AKAP7: variants seen among roughly 807,000 people sequenced by gnomAD.
The protein encoded by AKAP7 is A kinase (PRKA) anchor protein 7.
A neutral mutation model predicts 39.5 loss-of-function variants in AKAP7; 39 were observed. That is an observed-to-expected ratio of 0.99 (90% confidence interval 0.76 to 1.29). The LOEUF (loss-of-function observed/expected upper bound fraction) is 1.29, where lower values mean the gene tolerates loss of function less well. Among genes scored for constraint, AKAP7 ranks in the 50% most tolerant of loss-of-function variants. The pLI is 0.00. For missense variants in AKAP7, 414 were observed against 407.7 expected (o/e 1.02, Z -0.13); for synonymous variants, 140 against 139.1 (o/e 1.01, Z -0.05).
chr6:131,230,818 C>T (rs1020301754), intron 7 of AKAP7, among the ~76,000 whole-genome samples: 2 of 152,166 alleles, frequency 1.3e-5, no homozygotes, highest in African/African-American at 2.4e-5. Flanking sequence ...TAAGATTCTA[C>T]ATTGCAACTA....
At position 131,282,558 on chromosome 6, in the gene AKAP7, A is replaced by G; in HGVS notation, c.*832A>G. ...CTTTTTGAAGGAAGACTTATTAACA[A>G]CAGTAATTCAGCAAATGACGTTGAT... On this transcript the variant is annotated 3_prime_UTR_variant, in exon 8 of 8. Coordinates refer to ENST00000431975, the MANE Select transcript of AKAP7 (RefSeq NM_016377.4). 2 of 1,535,888 alleles carry G rather than the reference A, an allele frequency of 1.3e-6. No individual in the cohort carries two copies. The highest frequency in any genetic ancestry group is 1.7e-6 in the Non-Finnish European group (2 of 1,146,784).
At chr6:131,201,246 T>C (rs181360515) in intron 6 of AKAP7, among the ~76,000 whole-genome samples, 1 of 152,238 alleles carries the variant, frequency 6.6e-6, no homozygotes, top group Non-Finnish European at 1.5e-5. Context: ...TTTCTACGTG[T>C]AAGGAGCTCC....
chr6:131,159,933 C>T, intron 2 of AKAP7, 126 bp from the exon 3 acceptor site: 1 of 914,924 alleles, frequency 1.1e-6, no homozygotes, highest in African/African-American at 1.7e-5. Context: ...TGTTTGCAAA[C>T]TCCTGCTTTA....
chr6:131,263,176 C>G (rs1424713302), intron 7 of AKAP7, among the ~76,000 whole-genome samples: 7 of 152,208 alleles, frequency 4.6e-5, no homozygotes, highest in Non-Finnish European at 1.5e-5. Flanking sequence ...AATGTAATGG[C>G]TCACCTATGC....
chr6:131,232,552 C>G (rs749375), intron 7 of AKAP7, among the ~76,000 whole-genome samples: 42,158 of 151,924 alleles, frequency 0.28, 6,425 homozygotes, highest in Middle Eastern at 0.39. Context: ...TACTGGCCGG[C>G]CGGTGGCTCA....
intron 7 of AKAP7, among the ~76,000 whole-genome samples, chr6:131,242,650 T>C (rs1811716129): frequency 6.6e-6 from 1 of 152,084 alleles, no homozygotes; most frequent in Non-Finnish European, 1.5e-5. Flanking sequence ...ATTTTCTTCG[T>C]TTTCACTGTG....
At chr6:131,190,032 T>C (rs1207133377) in intron 5 of AKAP7, among the ~76,000 whole-genome samples, 3 of 152,326 alleles carry the variant, frequency 2.0e-5, no homozygotes, top group Admixed American at 6.5e-5. Flanking sequence ...AGGTTTCATA[T>C]TAGTAAAAAC....
In AKAP7 at chr6:131,227,495, G is replaced by A. The variant is rs145033779; in HGVS notation, c.850+7687G>A. ...GAATGATGTTGTGCTTGCTTCAGCG[G>A]TACATACACTAAAACAAGGATGATG... On this transcript the variant is annotated intron_variant, in intron 7 of 7. Coordinates refer to ENST00000431975, the MANE Select transcript of AKAP7 (RefSeq NM_016377.4). Among the ~76,000 whole-genome samples, 312 of 152,302 alleles carry A rather than the reference G, an allele frequency of 2.0e-3. 3 individuals are homozygous for A. Among genetic ancestry groups the A allele is most frequent in the Non-Finnish European group, 3.6e-3 (243 of 68,028 alleles).
At chr6:131,226,984 G>A (rs1025254229) in intron 7 of AKAP7, among the ~76,000 whole-genome samples, 13 of 152,096 alleles carry the variant, frequency 8.5e-5, no homozygotes, top group Non-Finnish European at 1.5e-4. Flanking sequence ...CAGAAGCACC[G>A]GACAGCAAAG....
chr6:131,211,837 C>A (rs1383755692), intron 6 of AKAP7, among the ~76,000 whole-genome samples: 3 of 151,628 alleles, frequency 2.0e-5, no homozygotes, highest in Non-Finnish European at 4.4e-5. Flanking sequence ...ACAGATGTTC[C>A]TCAGTTTATG....
At chr6:131,171,595 C>T (rs779342770) in intron 5 of AKAP7, among the ~76,000 whole-genome samples, 17 of 152,012 alleles carry the variant, frequency 1.1e-4, no homozygotes, top group Non-Finnish European at 2.4e-4. Flanking sequence ...TTTAGAATGG[C>T]GACCAAGGGA....
At chr6:131,185,424 C>A in intron 5 of AKAP7, 1 of 489,388 alleles carries the variant, frequency 2.0e-6, no homozygotes, top group Non-Finnish European at 3.9e-6. Flanking sequence ...TGGCCCTGCT[C>A]CATGGCATCT....
chr6:131,241,575 ATATGTGTGTGTGTGTGTGTG>A (rs1811558850), intron 7 of AKAP7, among the ~76,000 whole-genome samples: 1 of 63,786 alleles, frequency 1.6e-5, no homozygotes, highest in East Asian at 3.4e-4. Context: ...TAGATTATAT[ATATGTGTGTGTGTGTGTGTG>A]TGTGTGTGTG....
Position 131,154,738 on chromosome 6 carries a change from T to G in AKAP7, c.152-5321T>G, listed in dbSNP as rs181618716. Among the ~76,000 whole-genome samples, 3 of 152,270 alleles carry G rather than the reference T, an allele frequency of 2.0e-5. No homozygotes were observed. The East Asian group carries it at 5.8e-4, about 29-fold the overall frequency. ...ATCAAATAGCAAGACAATCTCTGAT[T>G]ATGTCATAATTTTAAAAAATCTGGA... On this transcript the variant is annotated intron_variant, in intron 2 of 7. Coordinates refer to ENST00000431975, the MANE Select transcript of AKAP7 (RefSeq NM_016377.4).
chr6:131,158,850 T>C (rs1802662974), intron 2 of AKAP7, among the ~76,000 whole-genome samples: 1 of 151,386 alleles, frequency 6.6e-6, no homozygotes, highest in East Asian at 2.0e-4. Flanking sequence ...CAAGAAGACA[T>C]GGCTTGGAAG....
At chr6:131,204,988 C>T (rs756519352) in intron 6 of AKAP7, among the ~76,000 whole-genome samples, 8 of 152,052 alleles carry the variant, frequency 5.3e-5, no homozygotes, top group Non-Finnish European at 1.2e-4. Flanking sequence ...TACTGATGCA[C>T]TAAAAGCACC....
At chr6:131,145,512 A>T in intron 2 of AKAP7, 96 bp downstream of exon 2, 1 of 804,580 alleles carries the variant, frequency 1.2e-6, no homozygotes, top group Non-Finnish European at 1.7e-6. Context: ...TTCACTTTTA[A>T]TACTTATGTT....
At chr6:131,233,349 TC>T (rs34871354) in intron 7 of AKAP7, among the ~76,000 whole-genome samples, 1 of 152,146 alleles carries the variant, frequency 6.6e-6, no homozygotes, top group Non-Finnish European at 1.5e-5. Context: ...CACTGCCACT[TC>T]CCAGTTTCCA....
chr6:131,199,579 T>TG lies in AKAP7; in HGVS notation c.702+7dup, dbSNP rs1451109194. 2.5e-6 allele frequency: 4 copies of TG among 1,573,262 alleles called. No individual in the cohort carries two copies. The South Asian group carries it at 4.4e-5, about 17-fold the overall frequency. On this transcript the variant is annotated splice_region_variant and intron_variant, in intron 6 of 7. Coordinates refer to ENST00000431975, the MANE Select transcript of AKAP7 (RefSeq NM_016377.4). The stretch of plus-strand genomic sequence containing the variant: ...CACCGTGGCTCCGTAAGAATGTGAG[T>TG]GCATGTTCTTATTGCAAGCCTGTTT...
Sources: gnomAD v4.1 joint callset for allele counts (sites outside exome capture counted in the v4.1 genomes callset) on GRCh38, gnomAD v4.1.1 for gene constraint, MANE v1.5 for transcripts, NCBI Gene and HGNC (gene_info 2026-07-23, HGNC 2026-07-21) for gene names.